Variants in SECTM1 observed in about 807,000 individuals in gnomAD.
SECTM1 encodes secreted and transmembrane 1.
In SECTM1, 10 loss-of-function variants were observed where a neutral mutation model predicts 18.1. The observed-to-expected ratio is 0.55, with a 90% CI of 0.34 to 0.94. SECTM1 has a LOEUF of 0.94. Ranked by LOEUF, SECTM1 falls within the 40% of genes least tolerant of loss-of-function variation. The pLI is 0.02. For synonymous variants in SECTM1, 137 were observed against 139.2 expected (o/e 0.98, Z 0.11); for missense variants, 297 against 322.6 (o/e 0.92, Z 0.61).
At chr17:82,324,421 ACT>A (rs2052126324) in intron 3 of SECTM1, among the ~76,000 whole-genome samples, 159 bp downstream of exon 3, 2 of 149,110 alleles carry the variant, frequency 1.3e-5, no homozygotes, top group South Asian at 2.1e-4. Context: ...CTCCACCCCA[ACT>A]CTCTACCCGC....
At chr17:82,324,470 C>T (rs968662862) in intron 3 of SECTM1, 112 bp downstream of exon 3, 67 of 1,160,930 alleles carry the variant, frequency 5.8e-5, no homozygotes, top group Non-Finnish European at 7.4e-5. Context: ...CATGCCTGCT[C>T]TTCTTCCTCC....
rs2032187440 is a variant in SECTM1, at chr17:82,329,171, G to T, written c.-52-1879C>A. On this transcript the variant is annotated intron_variant, in intron 1 of 4. Transcript: ENST00000269389. This position sits in a 1 kb window ranked among gnomAD's most constrained non-coding sequence, Gnocchi z 7.6. ...CGGCCTTCTCGTCCCATTGCCCCAA[G>T]CGCTCCAACCCCCTGTGAACATGCC... 6.6e-6 allele frequency: 1 copy of T among 152,358 alleles called. No homozygotes were observed. Among genetic ancestry groups the T allele is most frequent in the Admixed American group, 6.5e-5 (1 of 15,284 alleles). 9.4% of individuals were successfully genotyped at this position (152,358 alleles called of 1,614,324 possible).
chr17:82,323,106 C>A, intron 3 of SECTM1, 95 bp from the exon 4 acceptor site: 2 of 1,381,038 alleles, frequency 1.4e-6, no homozygotes, highest in Non-Finnish European at 2.0e-6. Context: ...CCTACACACT[C>A]CCTGGGGTGA....
chr17:82,327,592 T>G (rs1188426838), intron 1 of SECTM1, among the ~76,000 whole-genome samples: 2 of 152,192 alleles, frequency 1.3e-5, no homozygotes, highest in African/African-American at 4.8e-5. Flanking sequence ...TACTCGTAAC[T>G]GTGCCTGAGC....
At chr17:82,332,314 G>A (rs934433595) in intron 1 of SECTM1, among the ~76,000 whole-genome samples, 9 of 152,240 alleles carry the variant, frequency 5.9e-5, no homozygotes, top group African/African-American at 2.2e-4. Flanking sequence ...AGCCATGCCA[G>A]TGACACGCCT....
rs571801098 is a variant in SECTM1, at chr17:82,322,321, G to A, written c.587C>T (p.Ala196Val). ...EPQMKVAALR[A>V]GAQQGLSRAS... ...TCTGCTCAGGCCCTGCTGGGCTCCC[G>A]CTCTGAGGGCTGCGACCTTCATCTG... Residue 196 changes from alanine (A) to valine (V), a missense_variant, in exon 5 of 5, where the codon GCG becomes GTG. Ala to Val is a moderately conservative substitution (Grantham distance 64, BLOSUM62 0). Transcript: ENST00000269389. The A allele has an allele frequency of 8.7e-6, 14 of 1,613,460 alleles. No individual in the cohort carries two copies. Among genetic ancestry groups the A allele is most frequent in the Admixed American group, 1.7e-5 (1 of 59,956 alleles).
At chr17:82,324,546 C>T (rs2052127984) in intron 3 of SECTM1, 36 bp downstream of exon 3, 1 of 1,092,130 alleles carries the variant, frequency 9.2e-7, no homozygotes, top group African/African-American at 1.6e-5. Context: ...TCCCCTCTCA[C>T]TCCCCTCCCC....
rs61738919 is a variant in SECTM1, at chr17:82,322,178, A to C, written c.730T>G (p.Tyr244Asp). Residue 244 changes from tyrosine (Y) to aspartate (D), a missense_variant, in exon 5 of 5, where the codon TAT becomes GAT. Physicochemically the swap from Tyr to Asp is radical, Grantham distance 160. Coordinates refer to ENST00000269389, the MANE Select transcript of SECTM1 (RefSeq NM_003004.3). The part of the protein sequence containing the change: ...ELLSPQPLFP[Y>D]AADP ...GCAGGCGGCTATGGGTCTGCGGCAT[A>C]TGGAAACAAGGGTTGGGGGGACAGC... is the stretch of plus-strand genomic sequence containing the variant. The C allele has an allele frequency of 0.047, 75,234 of 1,613,556 alleles. 2,084 individuals are homozygous for C. The highest frequency in any genetic ancestry group is 0.11 in the African/African-American group (8,094 of 74,974).
rs377013901 is a variant in SECTM1, at chr17:82,327,161, C to A, written c.80G>T (p.Ser27Ile). The A allele has an allele frequency of 2.7e-5, 43 of 1,610,914 alleles. No individual in the cohort carries two copies. Among genetic ancestry groups the A allele is most frequent in the Non-Finnish European group, 3.6e-5 (42 of 1,178,570 alleles). The change falls in exon 2 of 5, where the codon AGT becomes ATT. Residue 27 changes from serine (S) to isoleucine (I), a missense_variant. By Grantham distance (142) the Ser-to-Ile change is moderately radical (BLOSUM62 -2). Coordinates refer to ENST00000269389, the MANE Select transcript of SECTM1 (RefSeq NM_003004.3). The stretch of plus-strand genomic sequence containing the variant: ...CCGAGACCTACCTTCATTCTGAGCA[C>A]TCAAGGAGGCAGCCAAAAACAGGAG... Reference protein sequence around the residue: ...GTLLFLAASLSAQNEGWDSPI... With the variant: ...GTLLFLAASLIAQNEGWDSPI...
chr17:82,326,098 A>C lies in SECTM1; in HGVS notation c.94+1049T>G, dbSNP rs572901568. ...CACTGCACAAATTCACACCGTCCCG[A>C]GGGCAGCGGGCGGCTGTCCAGGGGG... On this transcript the variant is annotated intron_variant, in intron 2 of 4. Transcript: ENST00000269389. The surrounding 1 kb of genome is among the most constrained non-coding windows in gnomAD (Gnocchi z 4.3). 1.3e-5 allele frequency among the ~76,000 whole-genome samples: 2 copies of C among 152,332 alleles called. No individual in the cohort carries two copies. The highest frequency in any genetic ancestry group is 4.1e-4 in the South Asian group (2 of 4,826).
At chr17:82,327,056 TG>T in intron 2 of SECTM1, 90 bp downstream of exon 2, 1 of 998,708 alleles carries the variant, frequency 1.0e-6, no homozygotes, top group Non-Finnish European at 1.5e-6. Context: ...TGGTGGCACC[TG>T]GACCCAACCT....
Position 82,321,926 on chromosome 17 carries a change from C to T in SECTM1, c.*235G>A, listed in dbSNP as rs897885836. 5 of 547,142 alleles carry T rather than the reference C, an allele frequency of 9.1e-6. No individual in the cohort carries two copies. The highest frequency in any genetic ancestry group is 4.1e-5 in the South Asian group (2 of 48,220). 33.9% of individuals were successfully genotyped at this position (547,142 alleles called of 1,614,324 possible). On this transcript the variant is annotated 3_prime_UTR_variant, in exon 5 of 5. Transcript: ENST00000269389. ...GGGAGGGGCATGCGTCCTGGTAAGT[C>T]GGGTGCTGCGGAGGTGAGGTGGTTC...
intron 1 of SECTM1, among the ~76,000 whole-genome samples, 165 bp from the exon 2 acceptor site, chr17:82,327,457 T>C (rs1426154908): frequency 6.6e-6 from 1 of 152,156 alleles, no homozygotes; most frequent in Admixed American, 6.5e-5. Context: ...CCTGTGCCTG[T>C]AGAGGGTGTG....
upstream of SECTM1, chr17:82,333,935 C>T (rs1440519067): frequency 6.6e-6 from 1 of 152,298 alleles, no homozygotes; most frequent in Non-Finnish European, 1.5e-5. Flanking sequence ...GCACCGCACC[C>T]GCGGTTCACG....
intron 4 of SECTM1, 115 bp downstream of exon 4, chr17:82,322,763 C>T (rs1245111329): frequency 3.0e-6 from 4 of 1,314,434 alleles, no homozygotes; most frequent in African/African-American, 1.5e-5. Flanking sequence ...ACCGGTGCTC[C>T]CCCCACCCTC....
At chr17:82,324,440 T>A (rs1169144877) in intron 3 of SECTM1, 142 bp downstream of exon 3, 1 of 892,496 alleles carries the variant, frequency 1.1e-6, no homozygotes, top group Non-Finnish European at 1.7e-6. Flanking sequence ...CCGCCAACCC[T>A]GTCTCCTGGC....
At chr17:82,331,758 T>C (rs1023060835) in intron 1 of SECTM1, among the ~76,000 whole-genome samples, 1 of 152,178 alleles carries the variant, frequency 6.6e-6, no homozygotes, top group Non-Finnish European at 1.5e-5. Flanking sequence ...AGGTGGGCGG[T>C]GACTGGCCGG....
Position 82,322,155 on chromosome 17 carries a change from A to C in SECTM1, c.*6T>G. The C allele has an allele frequency of 6.2e-7, 1 of 1,613,586 alleles. No individual in the cohort carries two copies. Among genetic ancestry groups the C allele is most frequent in the Non-Finnish European group, 8.5e-7 (1 of 1,179,710 alleles). On this transcript the variant is annotated 3_prime_UTR_variant, in exon 5 of 5. Transcript: ENST00000269389. ...CTCTCCTGTGTCCTCTCTGCCTTGC[A>C]GGCGGCTATGGGTCTGCGGCATATG... is the stretch of plus-strand genomic sequence containing the variant.
chr17:82,332,404 G>T (rs1271404660), intron 1 of SECTM1, among the ~76,000 whole-genome samples: 1 of 152,182 alleles, frequency 6.6e-6, no homozygotes, highest in Non-Finnish European at 1.5e-5. Flanking sequence ...GCCTGTCCCG[G>T]CTCCCATGGG....
Sources: allele counts gnomAD v4.1 joint callset (sites outside exome capture counted in the v4.1 genomes callset), GRCh38; gene constraint gnomAD v4.1.1; non-coding constraint Gnocchi (gnomAD v3.1); transcripts MANE v1.5; gene names NCBI Gene and HGNC (gene_info 2026-07-23, HGNC 2026-07-21).